The following PAK5 variants were observed in gnomAD, a reference collection of about 807,000 sequenced individuals.
PAK5 encodes the protein serine/threonine-protein kinase PAK 5.
In PAK5, 16 loss-of-function variants were observed where a neutral mutation model predicts 65.9. The observed-to-expected ratio is 0.24, with a 90% CI of 0.16 to 0.37. PAK5 has a LOEUF of 0.37. Among genes scored for constraint, PAK5 ranks in the 10% least tolerant of loss-of-function variants. The pLI is 1.00. For synonymous variants in PAK5, 371 were observed against 354.9 expected, an observed-to-expected ratio of 1.05 and a Z score of -0.51; for missense variants, 785 against 903.9, an observed-to-expected ratio of 0.87 and a Z score of 1.69.
At chr20:9,646,922 GAGCCTAGTCAAAACC>G (rs1272428372) in intron 2 of PAK5, among the ~76,000 whole-genome samples, 1 of 152,144 alleles carries the variant, frequency 6.6e-6, no homozygotes, top group African/African-American at 2.4e-5. Context: ...CCACATGAGT[GAGCCTAGTCAAAACC>G]AGCAGAACTA....
At chr20:9,713,145 T>C (rs2048098302) in intron 1 of PAK5, among the ~76,000 whole-genome samples, 1 of 152,074 alleles carries the variant, frequency 6.6e-6, no homozygotes. Flanking sequence ...AACCAGGATA[T>C]ATTAGAAACT....
chr20:9,602,521 T>G (rs1600123621), intron 3 of PAK5, among the ~76,000 whole-genome samples: 1 of 152,308 alleles, frequency 6.6e-6, no homozygotes, highest in Middle Eastern at 3.4e-3. Context: ...TCTTTATGGC[T>G]AGTGCTTCAG....
intron 1 of PAK5, among the ~76,000 whole-genome samples, chr20:9,766,262 A>AATATATATATATTCTAC (rs1377698259): frequency 7.7e-5 from 4 of 52,116 alleles, no homozygotes; most frequent in Admixed American, 4.4e-4. Context: ...ATATGTTCTA[A>AATATATATATATTCTAC]TTGAATATAT....
chr20:9,789,526 A>G (rs1419591630), intron 1 of PAK5, among the ~76,000 whole-genome samples: 1 of 152,166 alleles, frequency 6.6e-6, no homozygotes, highest in Non-Finnish European at 1.5e-5. Context: ...CATTGCTTGT[A>G]TACAGTGTTT....
chr20:9,782,580 C>A (rs1026687403), intron 1 of PAK5, among the ~76,000 whole-genome samples: 14 of 152,166 alleles, frequency 9.2e-5, no homozygotes, highest in African/African-American at 3.4e-4. Flanking sequence ...TTACCTCCTA[C>A]ACAGGGTTAA....
At chr20:9,732,916 C>G (rs1455112719) in intron 1 of PAK5, among the ~76,000 whole-genome samples, 1 of 152,116 alleles carries the variant, frequency 6.6e-6, no homozygotes, top group African/African-American at 2.4e-5. Flanking sequence ...TATTTAAAAC[C>G]CTAAAACAGT....
intron 1 of PAK5, among the ~76,000 whole-genome samples, chr20:9,712,275 G>T (rs186600651): frequency 1.3e-5 from 2 of 151,856 alleles, no homozygotes; most frequent in Non-Finnish European, 2.9e-5. Context: ...AGTTATATGC[G>T]GATTATACAA....
chr20:9,553,887 G>A (rs772281602), intron 7 of PAK5, among the ~76,000 whole-genome samples: 6 of 151,950 alleles, frequency 3.9e-5, no homozygotes, highest in Middle Eastern at 3.2e-3. Flanking sequence ...AGTGATGGTC[G>A]TATGGTAAGT....
intron 2 of PAK5, among the ~76,000 whole-genome samples, chr20:9,659,117 T>C (rs1245839613): frequency 2.0e-5 from 3 of 152,150 alleles, no homozygotes; most frequent in Admixed American, 6.5e-5. Flanking sequence ...TCTCAGGTGA[T>C]TGAAAATTGT....
chr20:9,818,049 G>C (rs2049378304), intron 1 of PAK5, among the ~76,000 whole-genome samples: 1 of 152,134 alleles, frequency 6.6e-6, no homozygotes, highest in Non-Finnish European at 1.5e-5. Context: ...AAACACAAAA[G>C]AAGAAATGCA....
At chr20:9,833,516 TC>T (rs1978900045) in intron 1 of PAK5, among the ~76,000 whole-genome samples, 1 of 145,556 alleles carries the variant, frequency 6.9e-6, no homozygotes, top group Admixed American at 6.9e-5. Context: ...CCATCAAACT[TC>T]CCCCCACCTT....
chr20:9,621,353 G>A (rs1395257740), intron 3 of PAK5, among the ~76,000 whole-genome samples: 4 of 148,688 alleles, frequency 2.7e-5, no homozygotes, highest in African/African-American at 7.5e-5. Context: ...TTGAGCTAAG[G>A]ACCTGAATAG....
chr20:9,674,248 A>G (rs116152767), intron 2 of PAK5, among the ~76,000 whole-genome samples: 1,559 of 151,772 alleles, frequency 0.01, 30 homozygotes, highest in African/African-American at 0.036. Context: ...AGTTCTAACA[A>G]TGACTCCTCA....
At chr20:9,614,654 A>G (rs947521603) in intron 3 of PAK5, among the ~76,000 whole-genome samples, 2 of 152,236 alleles carry the variant, frequency 1.3e-5, no homozygotes, top group Non-Finnish European at 2.9e-5. Flanking sequence ...CCATGCAAGC[A>G]AGAAGACAGT....
At chr20:9,721,052 T>C (rs2048207023) in intron 1 of PAK5, among the ~76,000 whole-genome samples, 1 of 152,206 alleles carries the variant, frequency 6.6e-6, no homozygotes, top group South Asian at 2.1e-4. Context: ...ACTTTTTGAA[T>C]GTACTAAATG....
intron 5 of PAK5, among the ~76,000 whole-genome samples, chr20:9,565,094 AAATC>A (rs2045652849): frequency 6.6e-6 from 1 of 151,924 alleles, no homozygotes; most frequent in Non-Finnish European, 1.5e-5. Context: ...AATGGTCATT[AAATC>A]TACTTTACAT....
chr20:9,587,013 A>G (rs1287496740), intron 3 of PAK5, among the ~76,000 whole-genome samples: 8 of 152,242 alleles, frequency 5.3e-5, no homozygotes, highest in African/African-American at 1.4e-4. Flanking sequence ...CATTGAGACT[A>G]GATCCTTACC....
intron 1 of PAK5, among the ~76,000 whole-genome samples, chr20:9,769,988 T>C (rs2048814939): frequency 6.6e-6 from 1 of 152,210 alleles, no homozygotes; most frequent in African/African-American, 2.4e-5. Flanking sequence ...AGGAGTTTTT[T>C]CTAAAGGGCA....
At chr20:9,798,081 G>A (rs6056891) in intron 1 of PAK5, among the ~76,000 whole-genome samples, 113,979 of 151,996 alleles carry the variant, frequency 0.75, 43,008 homozygotes, top group African/African-American at 0.83. Context: ...TTAGACTGAG[G>A]GGTTGGGAGT....
Sources: gnomAD v4.1 joint callset for allele counts (sites outside exome capture counted in the v4.1 genomes callset) on GRCh38, gnomAD v4.1.1 for gene constraint, MANE v1.5 for transcripts, NCBI Gene and HGNC (gene_info 2026-07-23, HGNC 2026-07-21) for gene names.